The following ASIP variants were observed in gnomAD, a reference collection of about 807,000 sequenced individuals.
ASIP encodes the protein agouti signaling protein.
ASIP carries 11 observed loss-of-function variants against 10.3 expected under a neutral mutation model. The ratio of observed to expected loss-of-function variants is 1.07; its 90% CI spans 0.68 to 1.78. The LOEUF is 1.78. Among genes scored for constraint, ASIP ranks in the 40% most tolerant of loss-of-function variants. ASIP has a pLI of 0.00. For missense variants in ASIP, 180 were observed against 169.2 expected, an observed-to-expected ratio of 1.06 and a Z score of -0.35; for synonymous variants, 70 against 70.8, an observed-to-expected ratio of 0.99 and a Z score of 0.06.
chr20:34,258,073 G>A (rs983860792), intron 1 of ASIP, among the ~76,000 whole-genome samples: 1 of 151,964 alleles, frequency 6.6e-6, no homozygotes, highest in African/African-American at 2.4e-5. Context: ...GAATCCGGGA[G>A]GCAGAGGTTG....
At chr20:34,251,647 T>A (rs1459107678) in intron 1 of ASIP, among the ~76,000 whole-genome samples, 1 of 152,192 alleles carries the variant, frequency 6.6e-6, no homozygotes, top group Non-Finnish European at 1.5e-5. Context: ...AGGAATTTGC[T>A]ATGTTCTGAA....
intron 1 of ASIP, among the ~76,000 whole-genome samples, chr20:34,203,627 C>T (rs1319692713): frequency 2.0e-5 from 3 of 152,048 alleles, no homozygotes; most frequent in Admixed American, 2.0e-4. Flanking sequence ...GAACGCCTAA[C>T]TTCAAGTGAT....
At chr20:34,217,282 A>G (rs1448591946) in intron 1 of ASIP, among the ~76,000 whole-genome samples, 1 of 151,834 alleles carries the variant, frequency 6.6e-6, no homozygotes, top group Non-Finnish European at 1.5e-5. Flanking sequence ...TACAAAAAGT[A>G]CAAAAATTAA....
At chr20:34,248,027 GA>G (rs1376138907) in intron 1 of ASIP, among the ~76,000 whole-genome samples, 1 of 152,152 alleles carries the variant, frequency 6.6e-6, no homozygotes, top group Non-Finnish European at 1.5e-5. Context: ...CCAACATGGT[GA>G]AACACTGTCG....
chr20:34,225,132 C>G (rs2035083962), intron 1 of ASIP, among the ~76,000 whole-genome samples: 1 of 142,388 alleles, frequency 7.0e-6, no homozygotes, highest in Non-Finnish European at 1.5e-5. Context: ...ACCTCTGCCT[C>G]CTGGGTTCAA....
chr20:34,232,816 A>C (rs578002379), intron 1 of ASIP, among the ~76,000 whole-genome samples: 2 of 152,336 alleles, frequency 1.3e-5, no homozygotes, highest in East Asian at 1.9e-4. Context: ...TCTCTGTTTT[A>C]ATAGCACATG....
chr20:34,227,509 C>A (rs2122573195), intron 1 of ASIP, among the ~76,000 whole-genome samples: 1 of 151,652 alleles, frequency 6.6e-6, no homozygotes, highest in African/African-American at 2.4e-5. Context: ...TGCACACCTG[C>A]AGTCCCAGCT....
intron 1 of ASIP, among the ~76,000 whole-genome samples, chr20:34,202,662 T>C (rs1033435420): frequency 6.6e-6 from 1 of 152,162 alleles, no homozygotes; most frequent in African/African-American, 2.4e-5. Flanking sequence ...GAATCTCCAT[T>C]CTTTTCCATT....
At chr20:34,210,138 C>G (rs533345883) in intron 1 of ASIP, among the ~76,000 whole-genome samples, 8 of 152,292 alleles carry the variant, frequency 5.3e-5, no homozygotes, top group African/African-American at 1.9e-4. Flanking sequence ...TCTTCCTGGA[C>G]GCAGGACAAG....
At chr20:34,213,393 A>C in intron 1 of ASIP, 1 of 641,808 alleles carries the variant, frequency 1.6e-6, no homozygotes, top group East Asian at 2.6e-5. Flanking sequence ...CAGAGAGTGG[A>C]GTGTTGCTAT....
intron 1 of ASIP, among the ~76,000 whole-genome samples, chr20:34,257,081 T>TTG (rs1321701272): frequency 1.4e-5 from 2 of 147,372 alleles, no homozygotes; most frequent in East Asian, 3.9e-4. Context: ...TTTTTTTTTT[T>TTG]TGTTTTTTGT....
chr20:34,221,326 C>T (rs948216469), intron 1 of ASIP, among the ~76,000 whole-genome samples: 5 of 151,322 alleles, frequency 3.3e-5, no homozygotes, highest in East Asian at 1.9e-4. Context: ...TAAGGTGAGC[C>T]GAGATCGCGC....
intron 1 of ASIP, among the ~76,000 whole-genome samples, chr20:34,223,357 G>A (rs1278438448): frequency 2.7e-5 from 4 of 147,506 alleles, no homozygotes; most frequent in East Asian, 2.1e-4. Context: ...CTGCCCAGCC[G>A]CCCCGTCTGA....
At chr20:34,247,904 A>G (rs2035407060) in intron 1 of ASIP, among the ~76,000 whole-genome samples, 2 of 151,882 alleles carry the variant, frequency 1.3e-5, no homozygotes, top group South Asian at 2.1e-4. Flanking sequence ...GTCTTGTATG[A>G]CTTTTAAATT....
chr20:34,216,327 G>T (rs2035008441), intron 1 of ASIP, among the ~76,000 whole-genome samples: 1 of 152,224 alleles, frequency 6.6e-6, no homozygotes, highest in South Asian at 2.1e-4. Flanking sequence ...GGGCGCTGGC[G>T]CCAGCAGTCT....
intron 1 of ASIP, among the ~76,000 whole-genome samples, chr20:34,202,331 C>G (rs2034905189): frequency 6.6e-6 from 1 of 152,196 alleles, no homozygotes; most frequent in African/African-American, 2.4e-5. Flanking sequence ...GGTCTACGGC[C>G]ATACCACCCT....
upstream of ASIP, among the ~76,000 whole-genome samples, chr20:34,236,545 C>T (rs962065494): frequency 2.9e-5 from 4 of 137,066 alleles, no homozygotes; most frequent in African/African-American, 1.1e-4. Flanking sequence ...AACTCTGTCT[C>T]AAAAAAAAAA....
upstream of ASIP, among the ~76,000 whole-genome samples, chr20:34,238,627 A>G (rs904689981): frequency 6.6e-6 from 1 of 151,504 alleles, no homozygotes; most frequent in African/African-American, 2.4e-5. Flanking sequence ...GTTTTAATAT[A>G]TTTGTCTAGT....
intron 1 of ASIP, among the ~76,000 whole-genome samples, chr20:34,248,038 G>A (rs1051227935): frequency 2.6e-5 from 4 of 151,906 alleles, no homozygotes; most frequent in African/African-American, 9.7e-5. Flanking sequence ...AAACACTGTC[G>A]CTACTAAAAA....
Sources: allele counts gnomAD v4.1 joint callset (sites outside exome capture counted in the v4.1 genomes callset), GRCh38; gene constraint gnomAD v4.1.1; transcripts MANE v1.5; gene names NCBI Gene and HGNC (gene_info 2026-07-23, HGNC 2026-07-21).